Variants in BMPR2 observed in about 807,000 individuals in gnomAD.
BMPR2 encodes bone morphogenetic protein receptor type-2.
Under a neutral mutation model 100.8 loss-of-function variants are expected in BMPR2, and 29 were observed. The observed-to-expected ratio is 0.29, with a 90% CI of 0.21 to 0.39. The LOEUF is 0.39. Among genes scored for constraint, BMPR2 ranks in the 10% least tolerant of loss-of-function variants. The pLI, the probability that BMPR2 is intolerant of heterozygous loss-of-function variation, is 1.00. For missense variants in BMPR2, 1,011 were observed against 1,274.5 expected, an observed-to-expected ratio of 0.79 and a Z score of 3.15; for synonymous variants, 382 against 442.3, an observed-to-expected ratio of 0.86 and a Z score of 1.71.
chr2:202,421,013 G>T (rs1691251296), intron 1 of BMPR2, among the ~76,000 whole-genome samples: 1 of 151,342 alleles, frequency 6.6e-6, no homozygotes, highest in Admixed American at 6.6e-5. Flanking sequence ...ACTTTGGGAG[G>T]CCGAGGCGGG....
At chr2:202,488,033 A>G (rs904883197) in intron 3 of BMPR2, among the ~76,000 whole-genome samples, 1 of 152,162 alleles carries the variant, frequency 6.6e-6, no homozygotes, top group Non-Finnish European at 1.5e-5. Flanking sequence ...TTCCAGTATA[A>G]TCTTGTCATT....
chr2:202,554,459 A>G (rs149945747), intron 11 of BMPR2, among the ~76,000 whole-genome samples: 470 of 152,198 alleles, frequency 3.1e-3, no homozygotes, highest in African/African-American at 0.011. Flanking sequence ...CGCTAACTCT[A>G]GGTTTTATTT....
intron 1 of BMPR2, among the ~76,000 whole-genome samples, chr2:202,425,865 A>G (rs553594507): frequency 1.9e-4 from 29 of 152,232 alleles, no homozygotes; most frequent in Non-Finnish European, 4.0e-4. Context: ...TTAAAATTCT[A>G]TACAGCAGGA....
At chr2:202,534,219 G>GTATA (rs756308564) in intron 9 of BMPR2, among the ~76,000 whole-genome samples, 8 of 135,786 alleles carry the variant, frequency 5.9e-5, no homozygotes, top group Non-Finnish European at 1.1e-4. Flanking sequence ...TCGTGTGTGT[G>GTATA]TGTATATATA....
intron 1 of BMPR2, among the ~76,000 whole-genome samples, chr2:202,449,308 CAAATAAATAAAT>C (rs200671172): frequency 0.11 from 15,867 of 142,990 alleles, 1,063 homozygotes; most frequent in Non-Finnish European, 0.16. Flanking sequence ...AACTCCATCT[CAAATAAATAAAT>C]AAATAAATAA....
chr2:202,443,640 T>C (rs984997483), intron 1 of BMPR2, among the ~76,000 whole-genome samples: 2 of 150,152 alleles, frequency 1.3e-5, no homozygotes, highest in Non-Finnish European at 2.9e-5. Context: ...CTCGGCTGAC[T>C]ACAACCTCCA....
intron 1 of BMPR2, among the ~76,000 whole-genome samples, chr2:202,396,608 A>C (rs1690660679): frequency 6.6e-6 from 1 of 152,158 alleles, no homozygotes; most frequent in Non-Finnish European, 1.5e-5. Context: ...GAAAGCAAAA[A>C]ATAAATGAAG....
chr2:202,461,766 TAAGAAAAA>T (rs976712511), intron 1 of BMPR2, among the ~76,000 whole-genome samples: 1 of 152,118 alleles, frequency 6.6e-6, no homozygotes, highest in Non-Finnish European at 1.5e-5. Flanking sequence ...TAGCTAATGA[TAAGAAAAA>T]AAGAAAAAAT....
In BMPR2 at chr2:202,555,483, C is replaced by G. The variant is rs1177041246; in HGVS notation, c.1818C>G (p.Thr606=). ...ARIPSPETSV[T]SLSTNTTTTN... ...TCCCCAGCCCTGAAACAAGTGTCAC[C>G]AGCCTCTCCACCAACACAACAACCA... Residue 606 remains threonine, a synonymous_variant, in exon 12 of 13, where the codon ACC becomes ACG. Coordinates refer to ENST00000374580, the MANE Select transcript of BMPR2 (RefSeq NM_001204.7). 6.2e-7 allele frequency: 1 copy of G among 1,613,922 alleles called. No homozygotes were observed. The highest frequency in any genetic ancestry group is 1.7e-5 in the Admixed American group (1 of 59,994).
intron 1 of BMPR2, among the ~76,000 whole-genome samples, chr2:202,464,139 T>A (rs2105958964): frequency 8.5e-6 from 1 of 118,170 alleles, no homozygotes; most frequent in African/African-American, 3.2e-5. Flanking sequence ...AGCCTGGGCA[T>A]CAAGAGCGAA....
intron 1 of BMPR2, among the ~76,000 whole-genome samples, chr2:202,449,741 C>T (rs1691939560): frequency 6.6e-6 from 1 of 152,148 alleles, no homozygotes; most frequent in African/African-American, 2.4e-5. Flanking sequence ...TGGTTTTCTC[C>T]TGACTTTGAT....
chr2:202,440,335 C>T (rs896137758), intron 1 of BMPR2, among the ~76,000 whole-genome samples: 3 of 149,320 alleles, frequency 2.0e-5, no homozygotes, highest in Non-Finnish European at 2.9e-5. Flanking sequence ...GACGGGGTCG[C>T]GGCCGGGCAC....
At chr2:202,473,696 C>T (rs1170450307) in intron 3 of BMPR2, among the ~76,000 whole-genome samples, 1 of 151,946 alleles carries the variant, frequency 6.6e-6, no homozygotes, top group Non-Finnish European at 1.5e-5. Context: ...GAGGCTGAGG[C>T]ACGAGAATCG....
intron 5 of BMPR2, among the ~76,000 whole-genome samples, chr2:202,517,969 C>T (rs111540166): frequency 0.17 from 23,397 of 139,080 alleles, 2,298 homozygotes; most frequent in Middle Eastern, 0.26. Flanking sequence ...CCCACCACCA[C>T]GCCTGACTTT....
At chr2:202,480,303 AT>A (rs1692634328) in intron 3 of BMPR2, among the ~76,000 whole-genome samples, 1 of 151,586 alleles carries the variant, frequency 6.6e-6, no homozygotes, top group Admixed American at 6.6e-5. Context: ...TAGCATTTGT[AT>A]TTTTAGTAGA....
At chr2:202,458,247 G>A (rs1052363256) in intron 1 of BMPR2, among the ~76,000 whole-genome samples, 5 of 131,134 alleles carry the variant, frequency 3.8e-5, no homozygotes, top group African/African-American at 1.4e-4. Flanking sequence ...AGGAGTTTGT[G>A]ACCAGCCTGG....
At chr2:202,528,337 G>A (rs888057088) in intron 7 of BMPR2, among the ~76,000 whole-genome samples, 23 of 152,208 alleles carry the variant, frequency 1.5e-4, no homozygotes, top group African/African-American at 5.1e-4. Flanking sequence ...ACAGGCACCC[G>A]CCACCACGCC....
At chr2:202,481,651 C>G (rs77590103) in intron 3 of BMPR2, among the ~76,000 whole-genome samples, 6,991 of 152,168 alleles carry the variant, frequency 0.046, 211 homozygotes, top group Middle Eastern at 0.12. Flanking sequence ...CGATATCTTT[C>G]CATTTATTTA....
rs775233777 is a variant in BMPR2, at chr2:202,555,984, T to G, written c.2319T>G (p.Phe773Leu). Residue 773 changes from phenylalanine (F) to leucine (L), a missense_variant, in exon 12 of 13, where the codon TTT becomes TTG. Transcript: ENST00000374580. ...CAACAAAAGAGCCCCGGCTAAAATT[T>G]GGCAGCAAGCACAAATCAAACTTGA... ...KNSTKEPRLK[F>L]GSKHKSNLKQ... 4.3e-6 allele frequency: 7 copies of G among 1,614,130 alleles called. 1 individual carries two copies. The South Asian group carries it at 7.7e-5, about 18-fold the overall frequency.
Sources: allele counts gnomAD v4.1 joint callset (sites outside exome capture counted in the v4.1 genomes callset), GRCh38; gene constraint gnomAD v4.1.1; transcripts MANE v1.5; gene names NCBI Gene and HGNC (gene_info 2026-07-23, HGNC 2026-07-21).